CHST11: variants seen among roughly 807,000 people sequenced by gnomAD.
The protein encoded by CHST11 is C4S-1.
A neutral mutation model predicts 30.4 loss-of-function variants in CHST11; 9 were observed. The ratio of observed to expected loss-of-function variants is 0.30; its 90% CI spans 0.18 to 0.52. The LOEUF (loss-of-function observed/expected upper bound fraction) is 0.52, where lower values mean the gene tolerates loss of function less well. Among genes scored for constraint, CHST11 ranks in the 20% least tolerant of loss-of-function variants. CHST11 has a pLI of 0.97. For synonymous variants in CHST11, 152 were observed against 187.8 expected, an observed-to-expected ratio of 0.81 and a Z score of 1.56; for missense variants, 348 against 460.6, an observed-to-expected ratio of 0.76 and a Z score of 2.24.
intron 1 of CHST11, among the ~76,000 whole-genome samples, chr12:104,506,941 G>A (rs1431925390): frequency 6.6e-6 from 1 of 152,134 alleles, no homozygotes; most frequent in Non-Finnish European, 1.5e-5. Context: ...AAGGAGGGGA[G>A]GTGATGGAAG....
chr12:104,528,262 T>G (rs1473797232), intron 1 of CHST11, among the ~76,000 whole-genome samples: 1 of 152,214 alleles, frequency 6.6e-6, no homozygotes, highest in Non-Finnish European at 1.5e-5. Context: ...AAGCGTATTT[T>G]CAAGTAAATT....
At chr12:104,597,608 G>A (rs536977642) in intron 1 of CHST11, among the ~76,000 whole-genome samples, 1 of 151,962 alleles carries the variant, frequency 6.6e-6, no homozygotes, top group Non-Finnish European at 1.5e-5. Flanking sequence ...TACCTACTAC[G>A]TGCCAAGCAC....
At chr12:104,682,758 T>C (rs1270830857) in intron 2 of CHST11, among the ~76,000 whole-genome samples, 2 of 152,196 alleles carry the variant, frequency 1.3e-5, no homozygotes, top group Non-Finnish European at 2.9e-5. Context: ...CATTGGGAAA[T>C]AAATTCTGCC....
chr12:104,667,000 G>A (rs149033734), intron 2 of CHST11, among the ~76,000 whole-genome samples: 86 of 152,296 alleles, frequency 5.6e-4, no homozygotes, highest in African/African-American at 1.9e-3. Context: ...CCTTTAAAAC[G>A]CTTGTTGAGC....
intron 2 of CHST11, among the ~76,000 whole-genome samples, chr12:104,725,732 A>G (rs1376242250): frequency 6.6e-6 from 1 of 151,974 alleles, no homozygotes; most frequent in Admixed American, 6.6e-5. Flanking sequence ...CTATAGGCCA[A>G]TTCTTATCAC....
chr12:104,572,620 T>G (rs889916524), intron 1 of CHST11, among the ~76,000 whole-genome samples: 2 of 152,150 alleles, frequency 1.3e-5, no homozygotes, highest in Non-Finnish European at 2.9e-5. Flanking sequence ...TCTTTATTAG[T>G]CTTGGTAGCA....
At chr12:104,742,958 AG>A (rs1176290592) in intron 2 of CHST11, among the ~76,000 whole-genome samples, 2 of 152,218 alleles carry the variant, frequency 1.3e-5, no homozygotes, top group African/African-American at 4.8e-5. Context: ...TGGCAGCCAC[AG>A]GCTCTAAGCC....
intron 2 of CHST11, among the ~76,000 whole-genome samples, chr12:104,627,837 T>TG (rs1275900737): frequency 2.0e-5 from 3 of 152,168 alleles, no homozygotes; most frequent in African/African-American, 7.2e-5. Context: ...GTGGTGGGTG[T>TG]GGTGGTGATA....
chr12:104,515,797 G>GAACCT (rs1326416283), intron 1 of CHST11, among the ~76,000 whole-genome samples: 1 of 152,204 alleles, frequency 6.6e-6, no homozygotes, highest in Non-Finnish European at 1.5e-5. Flanking sequence ...TGTGAGCCCT[G>GAACCT]AACCTACATG....
At chr12:104,633,739 AATTTT>A (rs2039296184) in intron 2 of CHST11, among the ~76,000 whole-genome samples, 1 of 151,746 alleles carries the variant, frequency 6.6e-6, no homozygotes, top group South Asian at 2.1e-4. Flanking sequence ...CCTGTTTTAG[AATTTT>A]ATTTTATTTT....
At chr12:104,744,161 G>C (rs909100768) in intron 2 of CHST11, among the ~76,000 whole-genome samples, 1 of 152,162 alleles carries the variant, frequency 6.6e-6, no homozygotes, top group African/African-American at 2.4e-5. Context: ...TCTGTCTTTA[G>C]GTCTTTGAGG....
At chr12:104,647,635 T>C (rs761988705) in intron 2 of CHST11, among the ~76,000 whole-genome samples, 9 of 152,262 alleles carry the variant, frequency 5.9e-5, no homozygotes, top group Non-Finnish European at 1.5e-5. Context: ...ATAAGATTTT[T>C]ACCTCTGTGT....
intron 2 of CHST11, among the ~76,000 whole-genome samples, chr12:104,675,985 G>A (rs2039738794): frequency 6.6e-6 from 1 of 152,146 alleles, no homozygotes; most frequent in Non-Finnish European, 1.5e-5. Context: ...CCAGAGCCAA[G>A]GTTCACAAGC....
intron 1 of CHST11, among the ~76,000 whole-genome samples, chr12:104,459,160 C>T (rs1052366312): frequency 6.6e-6 from 1 of 152,214 alleles, no homozygotes; most frequent in African/African-American, 2.4e-5. Flanking sequence ...TCTCCTCACC[C>T]AAACCTGCGG....
At chr12:104,484,299 G>A (rs1042017533) in intron 1 of CHST11, among the ~76,000 whole-genome samples, 15 of 152,144 alleles carry the variant, frequency 9.9e-5, no homozygotes, top group African/African-American at 2.9e-4. Flanking sequence ...CCATCATGAC[G>A]ATTCACGATC....
chr12:104,466,754 A>G (rs2037463834), intron 1 of CHST11, among the ~76,000 whole-genome samples: 1 of 152,220 alleles, frequency 6.6e-6, no homozygotes, highest in Non-Finnish European at 1.5e-5. Context: ...ATCCCTCAAT[A>G]TATTTTGTTT....
chr12:104,627,778 A>AGATGATGAT (rs35113252), intron 2 of CHST11, among the ~76,000 whole-genome samples: 2 of 151,658 alleles, frequency 1.3e-5, no homozygotes, highest in African/African-American at 2.4e-5. Context: ...GCATAAAGTC[A>AGATGATGAT]GATGATGATG....
chr12:104,516,239 C>G (rs1250980228), intron 1 of CHST11, among the ~76,000 whole-genome samples: 1 of 152,128 alleles, frequency 6.6e-6, no homozygotes, highest in East Asian at 1.9e-4. Flanking sequence ...TCATATGTCC[C>G]CTAGGGGCAA....
At chr12:104,484,605 G>A (rs904428613) in intron 1 of CHST11, among the ~76,000 whole-genome samples, 5 of 152,144 alleles carry the variant, frequency 3.3e-5, no homozygotes, top group African/African-American at 1.2e-4. Context: ...ACTAATGCAG[G>A]GTAAGTGTTT....
Sources: gnomAD v4.1 joint callset for allele counts (sites outside exome capture counted in the v4.1 genomes callset) on GRCh38, gnomAD v4.1.1 for gene constraint, MANE v1.5 for transcripts, NCBI Gene and HGNC (gene_info 2026-07-23, HGNC 2026-07-21) for gene names.